MYO9A: variants seen among roughly 807,000 people sequenced by gnomAD.
MYO9A encodes unconventional myosin-IXa.
MYO9A carries 103 observed loss-of-function variants against 293.3 expected under a neutral mutation model. The observed-to-expected ratio is 0.35, with a 90% CI of 0.30 to 0.41. MYO9A has a LOEUF of 0.41. MYO9A is among the 10% of genes least tolerant of loss of function. The pLI, the probability that MYO9A is intolerant of heterozygous loss-of-function variation, is 1.00. For synonymous variants in MYO9A, 1,001 were observed against 1,035.7 expected, an observed-to-expected ratio of 0.97 and a Z score of 0.64; for missense variants, 2,685 against 3,033.0, an observed-to-expected ratio of 0.89 and a Z score of 2.69.
intron 35 of MYO9A, among the ~76,000 whole-genome samples, chr15:71,853,701 C>T (rs1567198746): frequency 6.6e-6 from 1 of 152,136 alleles, no homozygotes; most frequent in African/African-American, 2.4e-5. Context: ...AGAATGAAAC[C>T]AGAGTCAGTC....
At chr15:72,035,067 A>G (rs1282827291) in intron 2 of MYO9A, among the ~76,000 whole-genome samples, 1 of 152,194 alleles carries the variant, frequency 6.6e-6, no homozygotes, top group Non-Finnish European at 1.5e-5. Flanking sequence ...AGATACTACT[A>G]CACACCTATT....
chr15:71,825,783 G>C lies in MYO9A; in HGVS notation c.*797C>G, dbSNP rs2054457902. ...ACTAAAAAATAATGTAGAAGAATCT[G>C]ATCCTAGGACCAAGAAACATGAGAA... On this transcript the variant is annotated 3_prime_UTR_variant, in exon 42 of 42. Transcript: ENST00000356056. The C allele has an allele frequency of 6.6e-6, 1 of 152,112 alleles. No individual in the cohort carries two copies. Among genetic ancestry groups the C allele is most frequent in the South Asian group, 2.1e-4 (1 of 4,828 alleles). 9.4% of individuals were successfully genotyped at this position (152,112 alleles called of 1,614,324 possible).
intron 1 of MYO9A, among the ~76,000 whole-genome samples, chr15:72,084,321 T>C (rs918190685): frequency 6.6e-6 from 1 of 152,232 alleles, no homozygotes; most frequent in South Asian, 2.1e-4. Context: ...CCTTGCTTTT[T>C]TGTTTTCCAT....
chr15:72,101,916 C>A (rs1190521085), intron 1 of MYO9A, among the ~76,000 whole-genome samples: 1 of 152,114 alleles, frequency 6.6e-6, no homozygotes, highest in African/African-American at 2.4e-5. Flanking sequence ...AGGTGAGGGG[C>A]GCCTCTGCCC....
At chr15:72,026,931 A>G (rs1165481293) in intron 4 of MYO9A, among the ~76,000 whole-genome samples, 1 of 152,234 alleles carries the variant, frequency 6.6e-6, no homozygotes, top group Non-Finnish European at 1.5e-5. Flanking sequence ...TATAATAACT[A>G]AAGTGTTTCA....
intron 34 of MYO9A, chr15:71,858,829 A>C (rs1268078530): frequency 6.6e-6 from 1 of 151,896 alleles, no homozygotes; most frequent in South Asian, 2.1e-4. Flanking sequence ...CGTTGTGCAC[A>C]TGTACTCTAG....
chr15:71,894,185 A>T (rs2143005930), intron 25 of MYO9A, among the ~76,000 whole-genome samples: 1 of 152,294 alleles, frequency 6.6e-6, no homozygotes, highest in East Asian at 1.9e-4. Context: ...AGGGATGAGG[A>T]TCTCATTATA....
intron 11 of MYO9A, among the ~76,000 whole-genome samples, chr15:71,984,092 C>T (rs2076348519): frequency 6.6e-6 from 1 of 152,176 alleles, no homozygotes; most frequent in African/African-American, 2.4e-5. Context: ...ATAATTTCTG[C>T]AGACTTTATC....
At chr15:71,866,522 GA>G (rs2141933557) in intron 32 of MYO9A, among the ~76,000 whole-genome samples, 1 of 151,838 alleles carries the variant, frequency 6.6e-6, no homozygotes, top group South Asian at 2.1e-4. Flanking sequence ...TATGTAACAC[GA>G]AGTTTTTTTT....
At chr15:71,897,186 T>C in intron 25 of MYO9A, 1 of 340,714 alleles carries the variant, frequency 2.9e-6, no homozygotes, top group East Asian at 4.6e-5. Flanking sequence ...CCTACTATGT[T>C]TATAGGCACT....
chr15:72,055,316 AC>A (rs1017848768), intron 1 of MYO9A, among the ~76,000 whole-genome samples: 6 of 152,214 alleles, frequency 3.9e-5, no homozygotes, highest in African/African-American at 1.4e-4. Context: ...CTCACCTTAT[AC>A]AAAAATCAAC....
upstream of MYO9A, chr15:72,118,533 G>C (rs1042957682): frequency 6.6e-6 from 1 of 152,138 alleles, no homozygotes; most frequent in African/African-American, 2.4e-5. Context: ...TCAGATTCTG[G>C]CGTATCCGTG....
chr15:72,089,654 T>C (rs1331318990), intron 1 of MYO9A, among the ~76,000 whole-genome samples: 1 of 152,060 alleles, frequency 6.6e-6, no homozygotes, highest in Non-Finnish European at 1.5e-5. Context: ...GGTGACATAC[T>C]GCTGTGGTCC....
rs2056837709 is a variant in MYO9A at position 71,880,421 on chromosome 15, C to T, written c.5536G>A (p.Asp1846Asn). 6.2e-7 allele frequency: 1 copy of T among 1,614,060 alleles called. No homozygotes were observed. The highest frequency in any genetic ancestry group is 1.3e-5 in the African/African-American group (1 of 74,934). The part of the protein sequence containing the change: ...RSVKISNVAL[D>N]SMHWQNDSVQ... ...GAGTCATTTTGCCAATGCATAGAAT[C>T]CAAAGCCACGTTGCTAATCTTCACA... is the stretch of plus-strand genomic sequence containing the variant. Residue 1846 changes from aspartate to asparagine, a missense_variant, in exon 29 of 42, where the codon GAT becomes AAT. Asp to Asn is a conservative substitution (Grantham distance 23, BLOSUM62 1). Coordinates refer to ENST00000356056, the MANE Select transcript of MYO9A (RefSeq NM_006901.4).
At chr15:71,997,468 C>T (rs2076730819) in intron 9 of MYO9A, among the ~76,000 whole-genome samples, 1 of 151,826 alleles carries the variant, frequency 6.6e-6, no homozygotes, top group Non-Finnish European at 1.5e-5. Flanking sequence ...GGCATGGTGG[C>T]GGGCGCCTGT....
chr15:71,893,950 C>A (rs1326055075), intron 25 of MYO9A, among the ~76,000 whole-genome samples, 172 bp from the exon 26 acceptor site: 2 of 152,114 alleles, frequency 1.3e-5, no homozygotes, highest in Admixed American at 6.5e-5. Context: ...CCTGAACCTA[C>A]GCATAAGACT....
intron 2 of MYO9A, chr15:72,041,245 A>T: frequency 7.4e-7 from 1 of 1,351,186 alleles, no homozygotes; most frequent in Non-Finnish European, 1.0e-6. Flanking sequence ...CACATGACAG[A>T]CACCTGTACA....
chr15:71,994,235 T>C (rs973514044), intron 10 of MYO9A, among the ~76,000 whole-genome samples: 1 of 152,130 alleles, frequency 6.6e-6, no homozygotes, highest in African/African-American at 2.4e-5. Context: ...CATGATTCTA[T>C]TTACATTTTT....
At chr15:71,846,892 A>G (rs1208921414) in intron 39 of MYO9A, among the ~76,000 whole-genome samples, 2 of 152,176 alleles carry the variant, frequency 1.3e-5, no homozygotes, top group Non-Finnish European at 2.9e-5. Flanking sequence ...GTTCACTCCT[A>G]TTTGTAGCTC....
Sources: allele counts gnomAD v4.1 joint callset (sites outside exome capture counted in the v4.1 genomes callset), GRCh38; gene constraint gnomAD v4.1.1; transcripts MANE v1.5; gene names NCBI Gene and HGNC (gene_info 2026-07-23, HGNC 2026-07-21).